Variants in ANKRD12 observed in about 807,000 individuals in gnomAD.
ANKRD12 encodes ankyrin repeat domain 12, also known as ankyrin repeat domain-containing protein 12.
ANKRD12 carries 85 observed loss-of-function variants against 183.4 expected under a neutral mutation model. The observed-to-expected ratio is 0.46, with a 90% CI of 0.39 to 0.56. ANKRD12 has a LOEUF of 0.56. ANKRD12 is among the 20% of genes least tolerant of loss of function. ANKRD12 has a pLI of 0.00. For missense variants in ANKRD12, 2,405 were observed against 2,357.1 expected (o/e 1.02, Z -0.42); for synonymous variants, 914 against 800.2 (o/e 1.14, Z -2.40).
chr18:9,275,461 A>G (rs1370548930), intron 10 of ANKRD12, 63 bp from the exon 11 acceptor site: 1 of 1,499,692 alleles, frequency 6.7e-7, no homozygotes, highest in African/African-American at 1.4e-5. Context: ...CGAGAGAGTA[A>G]GACTGTTCTT....
chr18:9,139,883 G>A (rs1234289994), intron 1 of ANKRD12, among the ~76,000 whole-genome samples: 3 of 151,848 alleles, frequency 2.0e-5, no homozygotes, highest in Non-Finnish European at 4.4e-5. Flanking sequence ...CTAGTCTGCA[G>A]CTAGTTAAAA....
Position 9,226,731 on chromosome 18 carries a change from A to G in ANKRD12, c.943+4732A>G, listed in dbSNP as rs144480381. Among the ~76,000 whole-genome samples the G allele has an allele frequency of 2.4e-3, 371 of 152,290 alleles. 8 individuals carry two copies. The highest frequency in any genetic ancestry group is 8.4e-3 in the African/African-American group (349 of 41,570). ...ATCATCAAAGGAAGGAGATATGGCCATATCTGCCTCCAGATGTGATACCTA... is the reference window on the plus strand; with the variant it reads ...ATCATCAAAGGAAGGAGATATGGCCGTATCTGCCTCCAGATGTGATACCTA... On this transcript the variant is annotated intron_variant, in intron 8 of 12. Coordinates refer to ENST00000262126, the MANE Select transcript of ANKRD12 (RefSeq NM_015208.5).
chr18:9,155,911 G>C (rs1468238246), intron 1 of ANKRD12, among the ~76,000 whole-genome samples: 2 of 151,970 alleles, frequency 1.3e-5, no homozygotes, highest in African/African-American at 4.8e-5. Flanking sequence ...GAGGTGGGCG[G>C]ATCGCTTGAG....
chr18:9,256,389 G>A lies in ANKRD12; in HGVS notation c.3122G>A (p.Ser1041Asn), dbSNP rs765636128. 5.0e-6 allele frequency: 8 copies of A among 1,608,716 alleles called. No homozygotes were observed. The highest frequency in any genetic ancestry group is 1.7e-5 in the Admixed American group (1 of 59,002). Residue 1041 changes from serine (S) to asparagine (N), a missense_variant, in exon 9 of 13, where the codon AGC becomes AAC. By Grantham distance (46) the Ser-to-Asn change is conservative. Around this residue, in one of 7 missense-constraint regions of ANKRD12, gnomAD observed 1,983 missense variants for 1,725.9 expected, o/e 1.15. Transcript: ENST00000262126. ...DKHKDKIQIN[S>N]LLKLKSEADK... ...CATAAAGATAAAATTCAAATAAATA[G>A]CTTACTCAAACTAAAATCTGAAGCA...
At chr18:9,202,830 G>A (rs2035253901) in intron 3 of ANKRD12, among the ~76,000 whole-genome samples, 1 of 152,204 alleles carries the variant, frequency 6.6e-6, no homozygotes, top group Admixed American at 6.5e-5. Context: ...AAGCTTTATA[G>A]ACTATTCAGA....
At position 9,255,225 on chromosome 18, in the gene ANKRD12, A is replaced by G. The variant is rs2145178455; in HGVS notation, c.1958A>G (p.His653Arg). 2 of 1,573,434 alleles carry G rather than the reference A, an allele frequency of 1.3e-6. No homozygotes were observed. Among genetic ancestry groups the G allele is most frequent in the Non-Finnish European group, 1.7e-6 (2 of 1,168,514 alleles). ...AAAGAAGGTAAAACATTAAAAAAACATAAATTGAAGCATAAAGAGAGGGAA... is the reference window on the plus strand; with the variant it reads ...AAAGAAGGTAAAACATTAAAAAAACGTAAATTGAAGCATAAAGAGAGGGAA... ...MDKEGKTLKK[H>R]KLKHKEREKE... Residue 653 changes from histidine (H) to arginine (R), a missense_variant, in exon 9 of 13, where the codon CAT becomes CGT. Physicochemically the swap from His to Arg is conservative, Grantham distance 29. Around this residue, in one of 7 missense-constraint regions of ANKRD12, gnomAD observed 1,983 missense variants for 1,725.9 expected, o/e 1.15. Coordinates refer to ENST00000262126, the MANE Select transcript of ANKRD12 (RefSeq NM_015208.5).
rs963179756 is a variant in ANKRD12, at chr18:9,283,394, T to G, written c.*2268T>G. 6.6e-6 allele frequency: 1 copy of G among 152,178 alleles called. No homozygotes were observed. The allele number at this position is 152,178 out of a possible 1,614,324, so 9.4% of individuals were successfully genotyped here. On this transcript the variant is annotated 3_prime_UTR_variant, in exon 13 of 13. Transcript: ENST00000262126. ...TGGAGCCTCTCTGCCATGATTATGC[T>G]TCTACAAATTTCTTTTATAAAGAGA...
chr18:9,256,208 G>T lies in ANKRD12; in HGVS notation c.2941G>T (p.Glu981Ter). ...NITNSKHIQE[E>*]KKSSIVDGNK... is the part of the protein sequence containing the mutation. ...AACTAACTCCAAACACATACAGGAA[G>T]AAAAAAAATCAAGTATAGTAGACGG... Residue 981 changes from glutamate (E) to a stop codon, truncating the protein, a stop_gained, in exon 9 of 13, where the codon GAA becomes TAA. Transcript: ENST00000262126. LOFTEE classifies it high-confidence loss of function. 6.4e-7 allele frequency: 1 copy of T among 1,572,516 alleles called. No individual in the cohort carries two copies. The highest frequency in any genetic ancestry group is 2.0e-5 in the Admixed American group (1 of 49,026).
intron 10 of ANKRD12, among the ~76,000 whole-genome samples, chr18:9,264,766 AT>A (rs34363431): frequency 0.22 from 34,004 of 152,168 alleles, 4,438 homozygotes; most frequent in African/African-American, 0.36. Context: ...TATTTCAACT[AT>A]TAAGACGTTT....
chr18:9,282,181 T>C lies in ANKRD12; in HGVS notation c.*1055T>C, dbSNP rs1043228298. 4 of 152,626 alleles carry C rather than the reference T, an allele frequency of 2.6e-5. No individual in the cohort carries two copies. The highest frequency in any genetic ancestry group is 5.9e-5 in the Non-Finnish European group (4 of 68,010). 9.5% of individuals were successfully genotyped at this position (152,626 alleles called of 1,614,324 possible). ...TGTAAATACGTTTAATAAATTTTAT[T>C]GGTCATGTTAAATCATTGTAAAACT... On this transcript the variant is annotated 3_prime_UTR_variant, in exon 13 of 13. Coordinates refer to ENST00000262126, the MANE Select transcript of ANKRD12 (RefSeq NM_015208.5).
At chr18:9,174,674 G>T (rs2033084680) in intron 1 of ANKRD12, among the ~76,000 whole-genome samples, 1 of 152,164 alleles carries the variant, frequency 6.6e-6, no homozygotes, top group Admixed American at 6.5e-5. Flanking sequence ...TTGTCTGTGG[G>T]TCATGCCATC....
At chr18:9,137,194 G>GC (rs964610901) in intron 1 of ANKRD12, 26 of 150,452 alleles carry the variant, frequency 1.7e-4, no homozygotes, top group African/African-American at 6.1e-4. Flanking sequence ...GGCCGTTAGT[G>GC]CCCCCCGGCG....
chr18:9,253,845 C>T (rs535049143), intron 8 of ANKRD12, among the ~76,000 whole-genome samples: 1 of 152,296 alleles, frequency 6.6e-6, no homozygotes, highest in South Asian at 2.1e-4. Context: ...CCATATGATT[C>T]AGCAATCCAA....
chr18:9,234,322 C>G (rs2037221261), intron 8 of ANKRD12, among the ~76,000 whole-genome samples: 1 of 152,200 alleles, frequency 6.6e-6, no homozygotes, highest in Admixed American at 6.5e-5. Flanking sequence ...GGCACAGAAG[C>G]TGCTCCACCA....
intron 8 of ANKRD12, among the ~76,000 whole-genome samples, chr18:9,238,976 G>A (rs975287718): frequency 6.6e-6 from 1 of 152,052 alleles, no homozygotes; most frequent in African/African-American, 2.4e-5. Context: ...ACAAAAATTA[G>A]CAGGGCATGG....
chr18:9,143,764 A>G (rs570321025), intron 1 of ANKRD12, among the ~76,000 whole-genome samples: 3 of 152,284 alleles, frequency 2.0e-5, no homozygotes, highest in Non-Finnish European at 4.4e-5. Flanking sequence ...TCTGCGGAGC[A>G]TTCTCTTTAA....
intron 10 of ANKRD12, among the ~76,000 whole-genome samples, chr18:9,265,055 C>G (rs1347526210): frequency 6.6e-6 from 1 of 152,070 alleles, no homozygotes; most frequent in Non-Finnish European, 1.5e-5. Context: ...GATCAAACCG[C>G]AAGGCGGGAG....
At chr18:9,194,693 T>A (rs951524600) in intron 2 of ANKRD12, among the ~76,000 whole-genome samples, 1 of 152,202 alleles carries the variant, frequency 6.6e-6, no homozygotes, top group Non-Finnish European at 1.5e-5. Context: ...ATCAGTTTGA[T>A]TCAATTCAGA....
intron 10 of ANKRD12, among the ~76,000 whole-genome samples, chr18:9,270,202 T>C (rs2039518813): frequency 6.6e-6 from 1 of 152,218 alleles, no homozygotes; most frequent in South Asian, 2.1e-4. Flanking sequence ...GAAGTCAGTG[T>C]GGCGATTCCT....
Sources: gnomAD v4.1 joint callset for allele counts (sites outside exome capture counted in the v4.1 genomes callset) on GRCh38, gnomAD v4.1.1 for gene constraint, gnomAD v4.1.1 regional missense constraint, MANE v1.5 for transcripts, NCBI Gene and HGNC (gene_info 2026-07-23, HGNC 2026-07-21) for gene names.